Variants in ANKMY1 observed in about 807,000 individuals in gnomAD.
The protein encoded by ANKMY1 is ankyrin repeat and MYND domain-containing protein 1.
A neutral mutation model predicts 102.0 loss-of-function variants in ANKMY1; 98 were observed. The observed-to-expected ratio is 0.96, with a 90% CI of 0.82 to 1.14. The LOEUF is 1.14. Among genes scored for constraint, ANKMY1 ranks in the 50% most tolerant of loss-of-function variants. The pLI is 0.00. For synonymous variants in ANKMY1, 582 were observed against 559.9 expected (o/e 1.04, Z -0.56); for missense variants, 1,330 against 1,347.6 (o/e 0.99, Z 0.20).
chr2:240,498,339 G>A (rs184550177), intron 15 of ANKMY1, among the ~76,000 whole-genome samples: 1 of 151,706 alleles, frequency 6.6e-6, no homozygotes, highest in East Asian at 1.9e-4. Flanking sequence ...CGGCACATAA[G>A]TGAGTTTGGG....
chr2:240,469,879 T>C, the ANKMY1 span, among the ~76,000 whole-genome samples: 1 of 151,000 alleles, frequency 6.6e-6, no homozygotes, highest in African/African-American at 2.4e-5. Flanking sequence ...AGCACACATA[T>C]CCATACACGT....
chr2:240,551,584 A>G (rs936252925), intron 4 of ANKMY1, among the ~76,000 whole-genome samples: 2 of 152,188 alleles, frequency 1.3e-5, no homozygotes, highest in African/African-American at 2.4e-5. Flanking sequence ...AGGTTGTCCT[A>G]CTGTTATTTG....
In ANKMY1 at chr2:240,532,611, A is replaced by G. The variant is rs995483023; in HGVS notation, c.481-3102T>C. 2.0e-5 allele frequency among the ~76,000 whole-genome samples: 3 copies of G among 152,234 alleles called. No individual in the cohort carries two copies. The East Asian group carries it at 5.8e-4, about 29-fold the overall frequency. ...TCTCAGAGAGACTAGATAGATAGAC[A>G]TAGATATAAAGCCACTCTTATTAGG... On this transcript the variant is annotated intron_variant, in intron 4 of 17. Coordinates refer to ENST00000401804, the MANE Select transcript of ANKMY1 (RefSeq NM_001282771.3).
intron 5 of ANKMY1, chr2:240,526,804 T>C: frequency 1.7e-6 from 2 of 1,208,556 alleles, no homozygotes; most frequent in Non-Finnish European, 2.1e-6. Context: ...AACATACATG[T>C]GGTTCCAGTC....
At chr2:240,508,812 G>T (rs911680358) in intron 12 of ANKMY1, among the ~76,000 whole-genome samples, 2 of 152,128 alleles carry the variant, frequency 1.3e-5, no homozygotes, top group Non-Finnish European at 2.9e-5. Context: ...CTTCCAACTG[G>T]GTGAATGAAG....
the ANKMY1 span, among the ~76,000 whole-genome samples, chr2:240,470,349 C>T: frequency 6.6e-6 from 1 of 152,126 alleles, no homozygotes; most frequent in African/African-American, 2.4e-5. Flanking sequence ...TCTGAGAGAC[C>T]CCAACAAGGC....
intron 4 of ANKMY1, among the ~76,000 whole-genome samples, chr2:240,538,317 G>A (rs904860904): frequency 4.6e-5 from 7 of 152,110 alleles, no homozygotes; most frequent in Non-Finnish European, 8.8e-5. Flanking sequence ...TGCGAGCGGC[G>A]CTCAGGGGCC....
At chr2:240,556,536 C>CT (rs148074633) in intron 2 of ANKMY1, among the ~76,000 whole-genome samples, 2,375 of 152,348 alleles carry the variant, frequency 0.016, 36 homozygotes, top group African/African-American at 0.032. Flanking sequence ...CACTGCCACC[C>CT]TTTCACTGTT....
intron 9 of ANKMY1, among the ~76,000 whole-genome samples, chr2:240,518,022 G>A (rs564923000): frequency 3.3e-5 from 5 of 152,230 alleles, no homozygotes; most frequent in South Asian, 2.1e-4. Flanking sequence ...AGCTGCCCAC[G>A]ACGCCCCTCC....
intron 4 of ANKMY1, among the ~76,000 whole-genome samples, chr2:240,550,953 T>G (rs1162317140): frequency 6.6e-6 from 1 of 152,182 alleles, no homozygotes; most frequent in Non-Finnish European, 1.5e-5. Flanking sequence ...AGGGCTTGCT[T>G]CTTTGGGGGA....
Position 240,520,362 on chromosome 2 carries a change from C to T in ANKMY1, c.2004G>A (p.Gln668=), listed in dbSNP as rs200997280. 1.5e-4 allele frequency: 237 copies of T among 1,545,550 alleles called. No homozygotes were observed. In the East Asian group the frequency reaches 2.4e-3, roughly 15 times the overall value. Residue 668 remains glutamine (Q), a splice_region_variant and synonymous_variant, in exon 9 of 18, where the codon CAG becomes CAA. Transcript: ENST00000401804. The surrounding 1 kb of genome is among the most constrained non-coding windows in gnomAD (Gnocchi z 4.8). ...GARTDICFPP[Q]LSTLTPLHIA... ...GGCGCCCGCCCGCCGCGGCTCCTAC[C>T]TGCGGCGGAAAGCAGATGTCGGTCC...
chr2:240,526,590 G>A (rs1320136986), intron 5 of ANKMY1, 145 bp from the exon 6 acceptor site: 4 of 1,471,798 alleles, frequency 2.7e-6, no homozygotes, highest in African/African-American at 1.4e-5. Flanking sequence ...CCTGAGTGCT[G>A]GCAGCTGCAC....
downstream of ANKMY1, among the ~76,000 whole-genome samples, chr2:240,478,368 T>C (rs2074999508): frequency 1.3e-5 from 2 of 152,226 alleles, no homozygotes; most frequent in Admixed American, 1.3e-4. Flanking sequence ...TAGAATTAAG[T>C]GTACCATCAA....
chr2:240,505,160 C>A (rs1026693207), intron 13 of ANKMY1, among the ~76,000 whole-genome samples: 2 of 151,912 alleles, frequency 1.3e-5, no homozygotes, highest in Non-Finnish European at 2.9e-5. Flanking sequence ...TATGGAGGTT[C>A]TTCAAAACAT....
intron 15 of ANKMY1, among the ~76,000 whole-genome samples, chr2:240,484,250 C>A (rs73104087): frequency 0.17 from 25,274 of 152,076 alleles, 2,915 homozygotes; most frequent in African/African-American, 0.31. Flanking sequence ...CGAAGACAAT[C>A]CTAACCAAAA....
chr2:240,479,321 C>T, downstream of ANKMY1: 1 of 509,886 alleles, frequency 2.0e-6, no homozygotes, highest in Non-Finnish European at 3.5e-6. Context: ...CCAGGCCATG[C>T]CCCATGGGAG....
upstream of ANKMY1, chr2:240,560,584 CCCG>C: frequency 1.5e-6 from 2 of 1,322,434 alleles, no homozygotes; most frequent in Non-Finnish European, 1.9e-6. Context: ...CCCGGGGGCG[CCCG>C]GCGGCCCGCC....
the ANKMY1 span, among the ~76,000 whole-genome samples, chr2:240,469,025 G>A: frequency 1.3e-5 from 2 of 152,182 alleles, no homozygotes; most frequent in African/African-American, 4.8e-5. Flanking sequence ...TCTCCGTGGC[G>A]GGCCAGGGGA....
the ANKMY1 span, among the ~76,000 whole-genome samples, chr2:240,473,196 A>G: frequency 6.6e-6 from 1 of 151,538 alleles, no homozygotes; most frequent in Admixed American, 6.6e-5. Flanking sequence ...CCAAAGAAAT[A>G]AAGATCTATA....
Sources: gnomAD v4.1 joint callset for allele counts (sites outside exome capture counted in the v4.1 genomes callset) on GRCh38, gnomAD v4.1.1 for gene constraint, Gnocchi (gnomAD v3.1) non-coding constraint, MANE v1.5 for transcripts, NCBI Gene and HGNC (gene_info 2026-07-23, HGNC 2026-07-21) for gene names.